Variants in MIR2052HG observed in about 807,000 individuals in gnomAD.
The protein encoded by MIR2052HG is MIR2052 host gene.
At position 74,708,896 on chromosome 8, in the gene MIR2052HG, T is replaced by C. The variant is rs78129325; in HGVS notation, n.371+5214T>C. On this transcript the variant is annotated intron_variant and non_coding_transcript_variant, in intron 4 of 6. Coordinates refer to ENST00000523442, the Ensembl canonical transcript of MIR2052HG. ...GTGCATGGCATATTGGGAACTTCAC[T>C]GAACTGTAAGATAGAAAATGAGTCC... Among the ~76,000 whole-genome samples the C allele has an allele frequency of 1.2e-4, 19 of 152,160 alleles. No individual in the cohort carries two copies. In the East Asian group the frequency reaches 3.5e-3, roughly 28 times the overall value.
intron 2 of MIR2052HG, among the ~76,000 whole-genome samples, chr8:74,630,513 CA>C (rs1390597969): frequency 1.5e-5 from 1 of 68,048 alleles, no homozygotes; most frequent in African/African-American, 6.0e-5. Flanking sequence ...GACAAAAGTG[CA>C]AAAAGATTTC....
At chr8:74,730,761 A>G (rs1809683295) in intron 4 of MIR2052HG, among the ~76,000 whole-genome samples, 1 of 151,834 alleles carries the variant, frequency 6.6e-6, no homozygotes. Flanking sequence ...TTACATGAAT[A>G]TATATATTGA....
intron 1 of MIR2052HG, among the ~76,000 whole-genome samples, chr8:74,610,712 C>T (rs1003557977): frequency 1.9e-4 from 29 of 151,874 alleles, no homozygotes; most frequent in Admixed American, 9.8e-4. Context: ...TGACAAGGAA[C>T]CAAAGGCAAT....
chr8:74,664,291 A>C (rs1287654774), intron 2 of MIR2052HG, among the ~76,000 whole-genome samples: 10 of 152,132 alleles, frequency 6.6e-5, no homozygotes. Context: ...AAAAAGAAAA[A>C]AAAAGATTCT....
chr8:74,744,016 A>G (rs936685454), intron 4 of MIR2052HG, among the ~76,000 whole-genome samples: 1 of 152,248 alleles, frequency 6.6e-6, no homozygotes, highest in Non-Finnish European at 1.5e-5. Flanking sequence ...TTATAAAAGT[A>G]AAAGCTGTAA....
At chr8:74,657,955 C>T (rs1470889102) in intron 2 of MIR2052HG, among the ~76,000 whole-genome samples, 1 of 152,142 alleles carries the variant, frequency 6.6e-6, no homozygotes, top group Non-Finnish European at 1.5e-5. Context: ...TGAGAAACTC[C>T]ATGACCTATG....
intron 1 of MIR2052HG, among the ~76,000 whole-genome samples, chr8:74,602,871 T>TTCTTTCTTTCTTTC (rs1808038556): frequency 6.7e-6 from 1 of 149,202 alleles, no homozygotes; most frequent in Non-Finnish European, 1.5e-5. Flanking sequence ...CTTTCTTTCT[T>TTCTTTCTTTCTTTC]TCTTTTTTCT....
intron 4 of MIR2052HG, among the ~76,000 whole-genome samples, chr8:74,750,726 T>C (rs1809935762): frequency 6.6e-6 from 1 of 152,204 alleles, no homozygotes; most frequent in Non-Finnish European, 1.5e-5. Flanking sequence ...CATATTTCTT[T>C]AGAAACATTT....
At chr8:74,621,485 G>A (rs546310889) in intron 2 of MIR2052HG, among the ~76,000 whole-genome samples, 41 of 152,322 alleles carry the variant, frequency 2.7e-4, no homozygotes, top group African/African-American at 9.9e-4. Flanking sequence ...GGAGGCCTCA[G>A]GAAACTTTCA....
At chr8:74,705,677 C>G (rs1809403323) in intron 4 of MIR2052HG, 1 of 170,094 alleles carries the variant, frequency 5.9e-6, no homozygotes, top group Non-Finnish European at 1.5e-5. Context: ...TTTCTACTTC[C>G]AAGAAAAGCT....
intron 1 of MIR2052HG, among the ~76,000 whole-genome samples, chr8:74,607,254 G>A (rs1032843282): frequency 3.3e-5 from 5 of 152,058 alleles, no homozygotes; most frequent in Admixed American, 6.5e-5. Context: ...AATAATAAAG[G>A]GAGTGAGTTT....
chr8:74,637,713 G>T (rs1808598148), intron 2 of MIR2052HG, among the ~76,000 whole-genome samples: 1 of 152,072 alleles, frequency 6.6e-6, no homozygotes. Context: ...TAGTTGCTTT[G>T]TAAGTGGGAC....
intron 2 of MIR2052HG, among the ~76,000 whole-genome samples, chr8:74,700,108 T>C (rs2128740742): frequency 6.6e-6 from 1 of 152,290 alleles, no homozygotes; most frequent in African/African-American, 2.4e-5. Context: ...GGATATGAGA[T>C]GGTTTTTAAA....
At chr8:74,717,574 T>G (rs1809532823) in intron 4 of MIR2052HG, among the ~76,000 whole-genome samples, 1 of 152,056 alleles carries the variant, frequency 6.6e-6, no homozygotes, top group Non-Finnish European at 1.5e-5. Context: ...TCCCAGCATT[T>G]TGGGAGGTTG....
At chr8:74,707,821 T>A (rs1045666953) in intron 4 of MIR2052HG, among the ~76,000 whole-genome samples, 2 of 152,116 alleles carry the variant, frequency 1.3e-5, no homozygotes, top group Non-Finnish European at 2.9e-5. Flanking sequence ...ATGTTTGAGA[T>A]AATATTAAAT....
intron 2 of MIR2052HG, among the ~76,000 whole-genome samples, chr8:74,671,951 T>A (rs1231263996): frequency 6.6e-6 from 1 of 152,126 alleles, no homozygotes; most frequent in Non-Finnish European, 1.5e-5. Flanking sequence ...TCTTTCAAGA[T>A]GACTGTTACT....
At chr8:74,601,249 C>T (rs1807995996) in intron 1 of MIR2052HG, among the ~76,000 whole-genome samples, 1 of 152,200 alleles carries the variant, frequency 6.6e-6, no homozygotes, top group African/African-American at 2.4e-5. Context: ...ATCATTCAAG[C>T]TTTATCAAAT....
intron 4 of MIR2052HG, among the ~76,000 whole-genome samples, chr8:74,728,798 A>T (rs2128754641): frequency 6.6e-6 from 1 of 152,304 alleles, no homozygotes; most frequent in South Asian, 2.1e-4. Context: ...AGTAGTTAAG[A>T]TTCAAAGTCT....
At chr8:74,613,009 T>C in intron 2 of MIR2052HG, 2 of 446,112 alleles carry the variant, frequency 4.5e-6, no homozygotes, top group Non-Finnish European at 9.0e-6. Context: ...AAACAGCTGT[T>C]TGAATCAGAC....
Sources: allele counts gnomAD v4.1 joint callset (sites outside exome capture counted in the v4.1 genomes callset), GRCh38; gene constraint gnomAD v4.1.1; transcripts MANE v1.5; gene names NCBI Gene and HGNC (gene_info 2026-07-23, HGNC 2026-07-21).